The following LRBA variants were observed in gnomAD, a reference collection of about 807,000 sequenced individuals.
LRBA encodes lipopolysaccharide-responsive and beige-like anchor protein.
A neutral mutation model predicts 330.0 loss-of-function variants in LRBA; 176 were observed. That is an observed-to-expected ratio of 0.53 (90% confidence interval 0.47 to 0.60). LRBA has a LOEUF of 0.60. LRBA is among the 20% of genes least tolerant of loss of function. LRBA has a pLI of 0.00. For synonymous variants in LRBA, 1,230 were observed against 1,193.0 expected, an observed-to-expected ratio of 1.03 and a Z score of -0.64; for missense variants, 3,259 against 3,444.8, an observed-to-expected ratio of 0.95 and a Z score of 1.35.
chr4:150,969,412 C>T (rs1272022221), intron 2 of LRBA, among the ~76,000 whole-genome samples: 24 of 152,086 alleles, frequency 1.6e-4, no homozygotes, highest in Admixed American at 1.6e-3. Context: ...GGATTCCAGA[C>T]CCCATGGATG....
intron 28 of LRBA, among the ~76,000 whole-genome samples, chr4:150,842,813 T>G (rs952724272): frequency 2.0e-5 from 3 of 151,796 alleles, no homozygotes; most frequent in Non-Finnish European, 4.4e-5. Flanking sequence ...TTGTGAGAAT[T>G]AAACACACAT....
At chr4:150,906,064 G>C (rs888070060) in intron 12 of LRBA, 74 bp from the exon 13 acceptor site, 2 of 1,299,366 alleles carry the variant, frequency 1.5e-6, no homozygotes, top group Admixed American at 2.0e-5. Flanking sequence ...TCCCTACCAG[G>C]AAAAAAACTG....
chr4:150,876,222 G>C (rs560381233), intron 17 of LRBA, among the ~76,000 whole-genome samples: 2 of 152,080 alleles, frequency 1.3e-5, no homozygotes, highest in South Asian at 2.1e-4. Context: ...AGAAATATAA[G>C]ACTATGCAAA....
At chr4:150,623,553 A>T (rs1418448674) in intron 37 of LRBA, among the ~76,000 whole-genome samples, 2 of 152,146 alleles carry the variant, frequency 1.3e-5, no homozygotes, top group African/African-American at 4.8e-5. Context: ...TTATATTTTT[A>T]AAATAGTGTG....
chr4:150,416,262 A>G (rs552206233), intron 46 of LRBA, among the ~76,000 whole-genome samples: 1 of 152,366 alleles, frequency 6.6e-6, no homozygotes, highest in South Asian at 2.1e-4. Flanking sequence ...CCCATATATA[A>G]CTATTTCAGA....
At chr4:150,495,727 T>C (rs191148642) in intron 40 of LRBA, among the ~76,000 whole-genome samples, 17 of 152,308 alleles carry the variant, frequency 1.1e-4, no homozygotes, top group Non-Finnish European at 2.2e-4. Context: ...CTGGATTAGG[T>C]AGAAACAGAC....
chr4:150,447,414 G>GC (rs1248921343), intron 44 of LRBA, among the ~76,000 whole-genome samples: 2 of 152,152 alleles, frequency 1.3e-5, no homozygotes, highest in Admixed American at 1.3e-4. Context: ...GGAGGAATTT[G>GC]CCCTTTTTTT....
intron 2 of LRBA, among the ~76,000 whole-genome samples, chr4:150,936,108 T>C (rs553203462): frequency 6.6e-6 from 1 of 152,210 alleles, no homozygotes; most frequent in East Asian, 1.9e-4. Context: ...TTAACTTTGT[T>C]TGAAATTATT....
At chr4:150,324,298 C>T (rs75150519) in intron 49 of LRBA, among the ~76,000 whole-genome samples, 8,417 of 152,212 alleles carry the variant, frequency 0.055, 571 homozygotes, top group African/African-American at 0.16. Flanking sequence ...AAGCTAATTC[C>T]AAATGCAAAC....
Position 150,584,173 on chromosome 4 carries a change from T to C in LRBA, c.6330+3875A>G, listed in dbSNP as rs1581743697. ...TGCTCTCTCAGACACACAACTCTGC[T>C]ATAAACAGCAGAAACTCTGGACACA... On this transcript the variant is annotated intron_variant, in intron 40 of 56. Transcript: ENST00000651943. 2.8e-6 allele frequency: 4 copies of C among 1,444,948 alleles called. No individual in the cohort carries two copies. The East Asian group carries it at 9.7e-5, about 35-fold the overall frequency. The allele number at this position is 1,444,948 out of a possible 1,614,324, so 89.5% of individuals were successfully genotyped here. A position where few individuals can be genotyped will look rare whatever the true frequency, so the allele number is the denominator to read the frequency against.
At chr4:150,768,270 T>C (rs1378848173) in intron 34 of LRBA, among the ~76,000 whole-genome samples, 1 of 151,572 alleles carries the variant, frequency 6.6e-6, no homozygotes, top group Non-Finnish European at 1.5e-5. Flanking sequence ...CACAACAAAG[T>C]AGAGGAATCA....
At chr4:150,732,836 C>G (rs903164608) in intron 36 of LRBA, among the ~76,000 whole-genome samples, 3 of 152,070 alleles carry the variant, frequency 2.0e-5, no homozygotes, top group Admixed American at 6.5e-5. Flanking sequence ...TTACAGTTTT[C>G]CAAATATGTT....
intron 47 of LRBA, among the ~76,000 whole-genome samples, chr4:150,383,822 C>T (rs538420887): frequency 6.6e-6 from 1 of 152,140 alleles, no homozygotes; most frequent in African/African-American, 2.4e-5. Flanking sequence ...TACGTTAGAA[C>T]AAGACACTCT....
chr4:150,959,998 C>G (rs1737961881), intron 2 of LRBA, among the ~76,000 whole-genome samples: 1 of 147,584 alleles, frequency 6.8e-6, no homozygotes, highest in African/African-American at 2.7e-5. Context: ...AGGAATCCTC[C>G]TGCCCCAGCC....
intron 40 of LRBA, among the ~76,000 whole-genome samples, chr4:150,501,111 A>C (rs6823828): frequency 0.016 from 2,479 of 152,352 alleles, 75 homozygotes; most frequent in African/African-American, 0.055. Context: ...CATTATGAAT[A>C]AAACTTAAAT....
intron 2 of LRBA, among the ~76,000 whole-genome samples, chr4:150,989,915 G>A (rs554746494): frequency 1.3e-5 from 2 of 152,084 alleles, no homozygotes; most frequent in Non-Finnish European, 2.9e-5. Context: ...CTTAAGGCCA[G>A]GAGTTCGAGA....
chr4:150,798,244 T>TA, intron 33 of LRBA, 102 bp from the exon 34 acceptor site: 1 of 744,202 alleles, frequency 1.3e-6, no homozygotes, highest in Non-Finnish European at 2.4e-6. Flanking sequence ...TTTCAGACTA[T>TA]TAATAGTGCA....
At chr4:150,381,489 C>G (rs1332849192) in intron 47 of LRBA, among the ~76,000 whole-genome samples, 1 of 152,160 alleles carries the variant, frequency 6.6e-6, no homozygotes, top group East Asian at 1.9e-4. Context: ...AACTTAGCAT[C>G]ATGTTTTCAT....
chr4:150,505,494 G>A (rs1175380010), intron 40 of LRBA, among the ~76,000 whole-genome samples: 12 of 151,912 alleles, frequency 7.9e-5, no homozygotes, highest in South Asian at 6.2e-4. Context: ...GGTACATAAC[G>A]AAATGAAGGC....
Sources: allele counts gnomAD v4.1 joint callset (sites outside exome capture counted in the v4.1 genomes callset), GRCh38; gene constraint gnomAD v4.1.1; transcripts MANE v1.5; gene names NCBI Gene and HGNC (gene_info 2026-07-23, HGNC 2026-07-21).